HDAC9: variants seen among roughly 807,000 people sequenced by gnomAD.
The protein encoded by HDAC9 is MEF-2 interacting transcription repressor (MITR) protein.
HDAC9 carries 41 observed loss-of-function variants against 139.4 expected under a neutral mutation model. That is an observed-to-expected ratio of 0.29 (90% confidence interval 0.23 to 0.38). The LOEUF is 0.38. HDAC9 is among the 10% of genes least tolerant of loss of function. HDAC9 has a pLI of 1.00. For missense variants in HDAC9, 1,147 were observed against 1,297.0 expected (o/e 0.88, Z 1.78); for synonymous variants, 517 against 476.2 (o/e 1.09, Z -1.12).
In HDAC9 at chr7:18,528,783, T is replaced by A. The variant is rs1007988430; in HGVS notation, c.22+32459T>A. 7.2e-5 allele frequency among the ~76,000 whole-genome samples: 11 copies of A among 152,182 alleles called. 1 individual carries two copies. The highest frequency in any genetic ancestry group is 3.2e-3 in the Middle Eastern group (1 of 316). On this transcript the variant is annotated intron_variant, in intron 2 of 25. Coordinates refer to ENST00000686413, the MANE Select transcript of HDAC9 (RefSeq NM_178425.4). The stretch of plus-strand genomic sequence containing the variant: ...ACTTATTATGGAATATAGTTGACCA[T>A]GTTTCAACATATGAAGTATTATTAG...
rs1010418678 is a variant in HDAC9 at position 18,249,189 on chromosome 7, A to G, written c.25+86840A>G. Among the ~76,000 whole-genome samples, 19 of 152,260 alleles carry G rather than the reference A, an allele frequency of 1.2e-4. No individual in the cohort carries two copies. The East Asian group carries it at 1.9e-3, about 15-fold the overall frequency. On this transcript the variant is annotated intron_variant, in intron 2 of 12. Coordinates refer to the HDAC9 transcript ENST00000417496. ...CAAGAAAAATTTAGTGAATTCTTAAATAAAATAATATTTTCATAAAATCTT... is the reference window on the plus strand; with the variant it reads ...CAAGAAAAATTTAGTGAATTCTTAAGTAAAATAATATTTTCATAAAATCTT...
intron 1 of HDAC9, among the ~76,000 whole-genome samples, chr7:18,394,701 T>C (rs1386056698): frequency 6.6e-6 from 1 of 152,150 alleles, no homozygotes; most frequent in African/African-American, 2.4e-5. Flanking sequence ...ATTTCATTTC[T>C]GTTGAAATTC....
intron 11 of HDAC9, among the ~76,000 whole-genome samples, chr7:18,663,293 A>T (rs557749509): frequency 6.6e-6 from 1 of 152,206 alleles, no homozygotes; most frequent in South Asian, 2.1e-4. Flanking sequence ...AGGTTGAGAC[A>T]CTGAGAGGCC....
At chr7:18,989,704 A>G in intron 25 of HDAC9, among the ~76,000 whole-genome samples, 1 of 144,556 alleles carries the variant, frequency 6.9e-6, no homozygotes, top group Non-Finnish European at 1.5e-5. Context: ...TCAGACGTAG[A>G]TTTGGTCTTT....
chr7:18,963,022 A>G (rs570923040), intron 24 of HDAC9, among the ~76,000 whole-genome samples: 2 of 150,764 alleles, frequency 1.3e-5, no homozygotes, highest in South Asian at 4.3e-4. Flanking sequence ...AATGAGAACA[A>G]TGTTCTACCA....
At chr7:18,416,705 AT>A in intron 1 of HDAC9, among the ~76,000 whole-genome samples, 1 of 152,200 alleles carries the variant, frequency 6.6e-6, no homozygotes, top group East Asian at 1.9e-4. Context: ...ATATTACCTT[AT>A]TATCTTCATA....
chr7:18,441,129 A>G (rs1289612679), intron 1 of HDAC9, among the ~76,000 whole-genome samples: 2 of 152,226 alleles, frequency 1.3e-5, no homozygotes, highest in African/African-American at 4.8e-5. Context: ...GGGATACCCC[A>G]GATACTCAAA....
In HDAC9 at chr7:18,835,909, G is replaced by C; in HGVS notation, c.2596G>C (p.Gly866Arg). 1 of 1,555,956 alleles carries C rather than the reference G, an allele frequency of 6.4e-7. No homozygotes were observed. Among genetic ancestry groups the C allele is most frequent in the Middle Eastern group, 1.7e-4 (1 of 5,992 alleles). The change falls in exon 21 of 26, where the codon GGC becomes CGC. Residue 866 changes from glycine (G) to arginine (R), a missense_variant. Coordinates refer to ENST00000686413, the MANE Select transcript of HDAC9 (RefSeq NM_178425.4). ...GSGAPNEVGT[G>R]LGEGYNINIA... ...GTCTTTCTCTTCCCAGGTTGGAACAGGCCTTGGAGAAGGGTACAATATAAA... is the reference window on the plus strand; with the variant it reads ...GTCTTTCTCTTCCCAGGTTGGAACACGCCTTGGAGAAGGGTACAATATAAA...
chr7:18,980,758 C>CCTT (rs146276589), intron 25 of HDAC9, among the ~76,000 whole-genome samples: 3 of 140,920 alleles, frequency 2.1e-5, no homozygotes, highest in Non-Finnish European at 4.5e-5. Flanking sequence ...TCTTCTTCTT[C>CCTT]CTTCTTCTTC....
intron 2 of HDAC9, among the ~76,000 whole-genome samples, chr7:18,526,076 T>G (rs1386758455): frequency 3.3e-5 from 5 of 152,170 alleles, no homozygotes; most frequent in Non-Finnish European, 7.4e-5. Flanking sequence ...AAATAATTAT[T>G]TCCTTCAAGA....
intron 22 of HDAC9, among the ~76,000 whole-genome samples, chr7:18,896,481 C>A (rs1801209475): frequency 6.6e-6 from 1 of 152,026 alleles, no homozygotes; most frequent in South Asian, 2.1e-4. Flanking sequence ...CCAGAGAATT[C>A]AGTAGCTTAG....
intron 2 of HDAC9, among the ~76,000 whole-genome samples, chr7:18,571,440 C>T (rs889693308): frequency 1.3e-5 from 2 of 152,158 alleles, no homozygotes; most frequent in African/African-American, 2.4e-5. Flanking sequence ...GGTTCCTCCT[C>T]TCCGTCTTTT....
At chr7:18,920,949 C>G (rs2129296393) in intron 22 of HDAC9, among the ~76,000 whole-genome samples, 1 of 152,144 alleles carries the variant, frequency 6.6e-6, no homozygotes, top group Middle Eastern at 3.4e-3. Flanking sequence ...ACTATCTGAT[C>G]TTTGACAAAC....
chr7:18,278,085 C>G (rs528084365), intron 2 of HDAC9, among the ~76,000 whole-genome samples: 14 of 152,296 alleles, frequency 9.2e-5, no homozygotes, highest in African/African-American at 3.4e-4. Flanking sequence ...GAATCTCTTC[C>G]TTTCGGAAGT....
intron 25 of HDAC9, among the ~76,000 whole-genome samples, chr7:18,983,001 G>A (rs937183958): frequency 6.6e-6 from 1 of 152,166 alleles, no homozygotes; most frequent in Non-Finnish European, 1.5e-5. Flanking sequence ...CATGTTAAGT[G>A]TTCAGTACAG....
intron 19 of HDAC9, among the ~76,000 whole-genome samples, chr7:18,834,936 C>T (rs1170238739): frequency 1.3e-5 from 2 of 152,048 alleles, no homozygotes; most frequent in Admixed American, 6.6e-5. Context: ...TCAAGAATTG[C>T]GAAAATGCTC....
At chr7:18,922,249 AATT>A (rs1803823001) in intron 22 of HDAC9, among the ~76,000 whole-genome samples, 1 of 151,622 alleles carries the variant, frequency 6.6e-6, no homozygotes, top group African/African-American at 2.4e-5. Flanking sequence ...AAAAAACATT[AATT>A]ATTATAAATT....
chr7:18,846,169 C>A (rs1034252460), intron 21 of HDAC9, among the ~76,000 whole-genome samples: 20 of 152,296 alleles, frequency 1.3e-4, no homozygotes, highest in African/African-American at 4.8e-4. Context: ...TTTTAATTCT[C>A]AATGTTCTTC....
chr7:18,683,845 T>C (rs1782062878), intron 12 of HDAC9, among the ~76,000 whole-genome samples: 1 of 152,050 alleles, frequency 6.6e-6, no homozygotes, highest in Non-Finnish European at 1.5e-5. Flanking sequence ...ATGATATGCT[T>C]CCATTTTTCA....
Sources: gnomAD v4.1 joint callset for allele counts (sites outside exome capture counted in the v4.1 genomes callset) on GRCh38, gnomAD v4.1.1 for gene constraint, MANE v1.5 for transcripts, NCBI Gene and HGNC (gene_info 2026-07-23, HGNC 2026-07-21) for gene names.